The following ANK3 variants were observed in gnomAD, a reference collection of about 807,000 sequenced individuals.
ANK3 encodes the protein ankyrin-3.
In ANK3, 57 loss-of-function variants were observed where a neutral mutation model predicts 370.9. The observed-to-expected ratio is 0.15, with a 90% CI of 0.12 to 0.19. The LOEUF is 0.19. ANK3 is among the 10% of genes least tolerant of loss of function. The probability of loss-of-function intolerance (pLI) is 1.00; values close to 1 mark genes in which losing one functional copy is unlikely to be tolerated. For synonymous variants in ANK3, 1,929 were observed against 1,946.3 expected, an observed-to-expected ratio of 0.99 and a Z score of 0.23; for missense variants, 4,439 against 5,302.1, an observed-to-expected ratio of 0.84 and a Z score of 5.06.
chr10:60,613,997 C>A (rs1022344712), intron 2 of ANK3, among the ~76,000 whole-genome samples: 7 of 152,008 alleles, frequency 4.6e-5, no homozygotes, highest in South Asian at 2.1e-4. Flanking sequence ...TTGTTTGAAC[C>A]CGGGAGGCAG....
intron 8 of ANK3, among the ~76,000 whole-genome samples, chr10:60,225,485 ATAGAAT>A (rs1222538610): frequency 1.3e-5 from 2 of 152,050 alleles, no homozygotes; most frequent in African/African-American, 2.4e-5. Flanking sequence ...GAGTAAATAG[ATAGAAT>A]TAGAATTTAC....
intron 2 of ANK3, among the ~76,000 whole-genome samples, chr10:60,452,912 G>A (rs369132887): frequency 6.6e-6 from 1 of 152,196 alleles, no homozygotes; most frequent in South Asian, 2.1e-4. Context: ...CATACACCTG[G>A]ACACCAATCA....
intron 40 of ANK3, among the ~76,000 whole-genome samples, chr10:60,061,353 A>C (rs1452233620): frequency 6.6e-6 from 1 of 152,236 alleles, no homozygotes; most frequent in Non-Finnish European, 1.5e-5. Flanking sequence ...AAGCCATTTC[A>C]TTTTTGACTG....
At chr10:60,501,817 A>T (rs2075806887) in intron 2 of ANK3, among the ~76,000 whole-genome samples, 1 of 152,060 alleles carries the variant, frequency 6.6e-6, no homozygotes, top group Non-Finnish European at 1.5e-5. Context: ...CTACAAAAAA[A>T]AGGAAAAAGA....
intron 7 of ANK3, among the ~76,000 whole-genome samples, chr10:60,249,739 C>G (rs1377226464): frequency 3.9e-5 from 6 of 152,190 alleles, no homozygotes; most frequent in Non-Finnish European, 5.9e-5. Context: ...CTTCTAGGTG[C>G]CATGAAGACC....
At chr10:60,371,355 A>G (rs1207965784) in intron 1 of ANK3, among the ~76,000 whole-genome samples, 1 of 152,162 alleles carries the variant, frequency 6.6e-6, no homozygotes, top group East Asian at 1.9e-4. Flanking sequence ...TAACAAGTCA[A>G]AAAATATCAG....
intron 7 of ANK3, among the ~76,000 whole-genome samples, chr10:60,250,511 C>A (rs953778998): frequency 6.6e-6 from 1 of 152,110 alleles, no homozygotes; most frequent in South Asian, 2.1e-4. Flanking sequence ...ACTACAGGTG[C>A]CTGCCACCAC....
At chr10:60,692,133 G>A (rs554317293) in intron 1 of ANK3, among the ~76,000 whole-genome samples, 1 of 152,190 alleles carries the variant, frequency 6.6e-6, no homozygotes, top group Non-Finnish European at 1.5e-5. Flanking sequence ...GCCAATGTGT[G>A]TCAAGGGATT....
Position 60,693,622 on chromosome 10 carries a change from A to AC in ANK3, c.57+39640dup, listed in dbSNP as rs576268513. On this transcript the variant is annotated intron_variant, in intron 1 of 43. Coordinates refer to the ANK3 transcript ENST00000373827. ...CCCCCAAGCAGCCTAACTGGGAGGC[A>AC]CCCCCCAGCAGGGGCAGATTGACCC... Among the ~76,000 whole-genome samples the AC allele has an allele frequency of 2.0e-4, 31 of 152,146 alleles. 1 individual carries two copies. In the South Asian group the frequency reaches 6.4e-3, roughly 32 times the overall value.
intron 2 of ANK3, among the ~76,000 whole-genome samples, chr10:60,606,392 A>C (rs182064865): frequency 2.4e-4 from 37 of 152,216 alleles, no homozygotes; most frequent in African/African-American, 8.7e-4. Context: ...TCTAAAACAT[A>C]CATTTCTGTA....
chr10:60,081,753 G>A, intron 35 of ANK3: 1 of 284,188 alleles, frequency 3.5e-6, no homozygotes, highest in Non-Finnish European at 6.9e-6. Flanking sequence ...CGGGTTCGAA[G>A]GTAGTGCGTT....
chr10:60,695,962 A>C (rs2079442513), intron 1 of ANK3, among the ~76,000 whole-genome samples: 1 of 151,160 alleles, frequency 6.6e-6, no homozygotes, highest in Non-Finnish European at 1.5e-5. Flanking sequence ...TGAATCCAGG[A>C]GCTGGTTTTT....
At chr10:60,222,559 C>T (rs1029936568) in intron 8 of ANK3, among the ~76,000 whole-genome samples, 7 of 152,260 alleles carry the variant, frequency 4.6e-5, no homozygotes, top group East Asian at 1.9e-4. Context: ...TCCTGACACA[C>T]GGTTCTGATT....
intron 2 of ANK3, among the ~76,000 whole-genome samples, chr10:60,482,289 A>G (rs2075242120): frequency 1.3e-5 from 2 of 152,184 alleles, no homozygotes; most frequent in South Asian, 4.1e-4. Context: ...AACAGGGGAC[A>G]CTGGTGTCCA....
intron 39 of ANK3, among the ~76,000 whole-genome samples, chr10:60,063,864 C>A (rs541646166): frequency 1.3e-5 from 2 of 152,212 alleles, no homozygotes. Flanking sequence ...GATTTAACAA[C>A]TAAAATTATG....
chr10:60,487,246 A>G (rs556839020), intron 2 of ANK3, among the ~76,000 whole-genome samples: 3 of 152,362 alleles, frequency 2.0e-5, no homozygotes, highest in South Asian at 4.1e-4. Context: ...GGAATCATCC[A>G]GTACTTTGCA....
intron 28 of ANK3, among the ~76,000 whole-genome samples, chr10:60,089,901 G>C (rs1049584203): frequency 2.6e-5 from 4 of 151,924 alleles, no homozygotes; most frequent in African/African-American, 7.3e-5. Context: ...AAATAAGTGA[G>C]AGAAAGATGA....
chr10:60,635,310 A>T (rs1031833984), intron 1 of ANK3, among the ~76,000 whole-genome samples: 3 of 152,154 alleles, frequency 2.0e-5, no homozygotes, highest in Non-Finnish European at 4.4e-5. Flanking sequence ...CTACTGATTT[A>T]TCTGTAATTT....
At chr10:60,348,484 G>A (rs1594260752) in intron 1 of ANK3, among the ~76,000 whole-genome samples, 1 of 152,020 alleles carries the variant, frequency 6.6e-6, no homozygotes, top group East Asian at 1.9e-4. Context: ...GGGTAAGATC[G>A]ACTTGGGTTT....
Sources: gnomAD v4.1 joint callset for allele counts (sites outside exome capture counted in the v4.1 genomes callset) on GRCh38, gnomAD v4.1.1 for gene constraint, MANE v1.5 for transcripts, NCBI Gene and HGNC (gene_info 2026-07-23, HGNC 2026-07-21) for gene names.